The following ECPAS variants were observed in gnomAD, a reference collection of about 807,000 sequenced individuals.
ECPAS encodes proteasome adapter and scaffold protein ECM29.
ECPAS carries 70 observed loss-of-function variants against 255.1 expected under a neutral mutation model. That is an observed-to-expected ratio of 0.27 (90% confidence interval 0.23 to 0.33). The LOEUF is 0.33. Among genes scored for constraint, ECPAS ranks in the 10% least tolerant of loss-of-function variants. The pLI is 1.00. For synonymous variants in ECPAS, 784 were observed against 775.0 expected (o/e 1.01, Z -0.19); for missense variants, 1,817 against 2,206.4 (o/e 0.82, Z 3.54).
chr9:111,417,894 T>C lies in ECPAS; in HGVS notation c.1672A>G (p.Ile558Val). 1 of 1,565,100 alleles carries C rather than the reference T, an allele frequency of 6.4e-7. No homozygotes were observed. The highest frequency in any genetic ancestry group is 8.7e-7 in the Non-Finnish European group (1 of 1,154,540). The change falls in exon 17 of 50, where the codon ATC (isoleucine) becomes GTC (valine). Residue 558 changes from isoleucine to valine, a missense_variant. Ile to Val is a conservative substitution (Grantham distance 29, BLOSUM62 3). Transcript: ENST00000684092. ...GTTGCATGCCATACCTTTTCTTGGA[T>C]GTAATAAACCATTTCTGGGAAGGAA... ...MPSFPEMVYY[I>V]QEKASHRMKT...
At position 111,430,499 on chromosome 9, in the gene ECPAS, A is replaced by G. The variant is rs780317802; in HGVS notation, c.930+48T>C. Reference sequence around the variant, plus strand: ...AATGTATAAATACGCAGTTCATGTCAACAAACTACTTTTTACGCTGATGTG... The same window carrying G: ...AATGTATAAATACGCAGTTCATGTCGACAAACTACTTTTTACGCTGATGTG... On this transcript the variant is annotated intron_variant, in intron 9 of 49. Transcript: ENST00000684092. The G allele has an allele frequency of 5.1e-6, 6 of 1,186,156 alleles. 1 individual carries two copies. The South Asian group carries it at 7.8e-5, about 15-fold the overall frequency. The allele number at this position is 1,186,156 out of a possible 1,614,324, so 73.5% of individuals were successfully genotyped here. A position where few individuals can be genotyped will look rare whatever the true frequency, so the allele number is the denominator to read the frequency against.
intron 2 of ECPAS, among the ~76,000 whole-genome samples, chr9:111,455,569 T>C (rs1589221634): frequency 6.6e-6 from 1 of 152,192 alleles, no homozygotes; most frequent in South Asian, 2.1e-4. Flanking sequence ...TTCAGCAGGG[T>C]TCCCACCATT....
At chr9:111,382,970 T>G (rs762600851) in intron 35 of ECPAS, among the ~76,000 whole-genome samples, 1 of 152,218 alleles carries the variant, frequency 6.6e-6, no homozygotes, top group Non-Finnish European at 1.5e-5. Flanking sequence ...GAAGACGTGC[T>G]TGTTGGGAGC....
At chr9:111,474,283 C>T (rs1257268254) in intron 1 of ECPAS, among the ~76,000 whole-genome samples, 1 of 152,208 alleles carries the variant, frequency 6.6e-6, no homozygotes, top group Non-Finnish European at 1.5e-5. Flanking sequence ...AGAGGCTACA[C>T]TCTCTGTTAC....
chr9:111,442,528 A>G, intron 4 of ECPAS, 104 bp from the exon 5 acceptor site: 1 of 745,248 alleles, frequency 1.3e-6, no homozygotes, highest in Non-Finnish European at 2.2e-6. Context: ...CAACAAAGAC[A>G]TTGTAAACGT....
intron 13 of ECPAS, among the ~76,000 whole-genome samples, chr9:111,422,405 C>T (rs1039401579): frequency 3.9e-5 from 6 of 152,004 alleles, no homozygotes; most frequent in African/African-American, 1.5e-4. Context: ...TCCAAATATC[C>T]CCTCTATAAT....
chr9:111,369,745 G>A (rs563480672), intron 45 of ECPAS, among the ~76,000 whole-genome samples: 2 of 150,764 alleles, frequency 1.3e-5, no homozygotes, highest in African/African-American at 2.5e-5. Context: ...TTTTTTTTGG[G>A]GGGGGGACCA....
In ECPAS at chr9:111,453,892, C is replaced by A. The variant is rs773393369; in HGVS notation, c.23-2337G>T. ...GACCAGAGAAAGCTGGAAAACATCACAACTAAATGGTCCCTTGCACAGGAT... is the reference window on the plus strand; with the variant it reads ...GACCAGAGAAAGCTGGAAAACATCAAAACTAAATGGTCCCTTGCACAGGAT... On this transcript the variant is annotated intron_variant, in intron 2 of 49. Coordinates refer to ENST00000684092, the MANE Select transcript of ECPAS (RefSeq NM_001364929.1). 2.0e-5 allele frequency among the ~76,000 whole-genome samples: 3 copies of A among 151,826 alleles called. No individual in the cohort carries two copies. In the East Asian group the frequency reaches 5.8e-4, roughly 29 times the overall value.
At chr9:111,476,855 G>T (rs1293854325) in intron 1 of ECPAS, among the ~76,000 whole-genome samples, 1 of 152,044 alleles carries the variant, frequency 6.6e-6, no homozygotes, top group Non-Finnish European at 1.5e-5. Context: ...TAGAGACAGG[G>T]TTTCACAATG....
At chr9:111,423,280 A>G in intron 12 of ECPAS, 32 bp from the exon 13 acceptor site, 1 of 1,465,122 alleles carries the variant, frequency 6.8e-7, no homozygotes, top group South Asian at 1.3e-5. Flanking sequence ...GAAAGAAAAG[A>G]AAGAACAAAA....
intron 15 of ECPAS, 84 bp downstream of exon 15, chr9:111,421,837 T>C: frequency 6.7e-7 from 1 of 1,484,238 alleles, no homozygotes; most frequent in South Asian, 1.3e-5. Flanking sequence ...ACTCCTCTTA[T>C]CAAAAGTTAA....
rs143150902 is a variant in ECPAS, at chr9:111,447,099, T to G, written c.154-2605A>C. ...ACAGAGAATCTTGCCCACAATTGCATGCTTTTTTTTAATAATAAATTTATT... is the reference window on the plus strand; with the variant it reads ...ACAGAGAATCTTGCCCACAATTGCAGGCTTTTTTTTAATAATAAATTTATT... On this transcript the variant is annotated intron_variant, in intron 3 of 49. Coordinates refer to ENST00000684092, the MANE Select transcript of ECPAS (RefSeq NM_001364929.1). Among the ~76,000 whole-genome samples the G allele has an allele frequency of 2.0e-5, 3 of 151,808 alleles. No homozygotes were observed. In the East Asian group the frequency reaches 5.8e-4, roughly 29 times the overall value.
chr9:111,419,895 ACTTT>A (rs1212476268), intron 16 of ECPAS, 118 bp downstream of exon 16: 6 of 668,512 alleles, frequency 9.0e-6, no homozygotes, highest in African/African-American at 3.6e-5. Flanking sequence ...CAAGAGCCAT[ACTTT>A]CTTTAATAAA....
At chr9:111,460,088 T>C (rs1331355802) in intron 2 of ECPAS, among the ~76,000 whole-genome samples, 1 of 152,014 alleles carries the variant, frequency 6.6e-6, no homozygotes, top group East Asian at 1.9e-4. Flanking sequence ...AAAATATGAG[T>C]CAAATCCAGC....
Position 111,444,235 on chromosome 9 carries a change from A to AT in ECPAS, c.270+142dup, listed in dbSNP as rs1228783878. 1.7e-5 allele frequency: 10 copies of AT among 579,856 alleles called. No homozygotes were observed. In the African/African-American group the frequency reaches 2.0e-4, roughly 11 times the overall value. The allele number at this position is 579,856 out of a possible 1,614,324, so 35.9% of individuals were successfully genotyped here. ...GTACTCAGTGGAAAAACAGTGTGTC[A>AT]TTTAAAAAAAAAAAAAACTCATGTT... On this transcript the variant is annotated intron_variant, in intron 4 of 49. Transcript: ENST00000684092.
chr9:111,433,933 A>T lies in ECPAS; in HGVS notation c.709-561T>A, dbSNP rs185556351. On this transcript the variant is annotated intron_variant, in intron 7 of 49. Transcript: ENST00000684092. ...ACTCAATGCAAGTGAAATTCTAATC[A>T]AACAGTTTTCAATTTAATTGACTGG... 1.4e-3 allele frequency among the ~76,000 whole-genome samples: 217 copies of T among 152,382 alleles called. 3 individuals carry two copies. Among genetic ancestry groups the T allele is most frequent in the African/African-American group, 4.4e-3 (185 of 41,596 alleles).
At chr9:111,379,526 T>C (rs1304164369) in intron 35 of ECPAS, among the ~76,000 whole-genome samples, 1 of 152,224 alleles carries the variant, frequency 6.6e-6, no homozygotes, top group Non-Finnish European at 1.5e-5. Context: ...AATGCTGGCG[T>C]GGCTGTCGTA....
At chr9:111,451,281 C>A in intron 3 of ECPAS, 144 bp downstream of exon 3, 2 of 772,922 alleles carry the variant, frequency 2.6e-6, no homozygotes, top group South Asian at 1.8e-5. Context: ...ATCATAAAAG[C>A]TGGTTCTAGA....
At chr9:111,461,326 G>C (rs376726023) in intron 2 of ECPAS, among the ~76,000 whole-genome samples, 1 of 151,740 alleles carries the variant, frequency 6.6e-6, no homozygotes, top group Non-Finnish European at 1.5e-5. Flanking sequence ...TTAGCTGGGC[G>C]TGGTGGCGTG....
Sources: gnomAD v4.1 joint callset for allele counts (sites outside exome capture counted in the v4.1 genomes callset) on GRCh38, gnomAD v4.1.1 for gene constraint, MANE v1.5 for transcripts, NCBI Gene and HGNC (gene_info 2026-07-23, HGNC 2026-07-21) for gene names.